ACAP2: variants seen among roughly 807,000 people sequenced by gnomAD.
ACAP2 encodes arf-GAP with coiled-coil, ANK repeat and PH domain-containing protein 2.
ACAP2 carries 39 observed loss-of-function variants against 115.8 expected under a neutral mutation model. That is an observed-to-expected ratio of 0.34 (90% confidence interval 0.26 to 0.44). The LOEUF (loss-of-function observed/expected upper bound fraction) is 0.44. Among genes scored for constraint, ACAP2 ranks in the 20% least tolerant of loss-of-function variants. ACAP2 has a pLI of 1.00. For synonymous variants in ACAP2, 289 were observed against 315.8 expected, an observed-to-expected ratio of 0.92 and a Z score of 0.90; for missense variants, 662 against 927.6, an observed-to-expected ratio of 0.71 and a Z score of 3.72.
rs536706653 is a variant in ACAP2, at chr3:195,318,881, G to A, written c.857+1820C>T. Among the ~76,000 whole-genome samples, 58 of 152,312 alleles carry A rather than the reference G, an allele frequency of 3.8e-4. No homozygotes were observed. The Middle Eastern group carries it at 0.017, about 45-fold the overall frequency. On this transcript the variant is annotated intron_variant, in intron 10 of 22. Transcript: ENST00000326793. Reference sequence around the variant, plus strand: ...CTGAATGTTTACATCCAAGACAATGGGAAAAATGTCTCCAGGGCATGTAAG... The same window carrying A: ...CTGAATGTTTACATCCAAGACAATGAGAAAAATGTCTCCAGGGCATGTAAG...
At chr3:195,370,063 G>C (rs1402025573) in intron 4 of ACAP2, among the ~76,000 whole-genome samples, 1 of 152,176 alleles carries the variant, frequency 6.6e-6, no homozygotes, top group African/African-American at 2.4e-5. Context: ...TTCTTTTGAA[G>C]TGTCTGTTCA....
chr3:195,346,015 G>A (rs1731166958), intron 4 of ACAP2, among the ~76,000 whole-genome samples: 1 of 152,030 alleles, frequency 6.6e-6, no homozygotes, highest in Non-Finnish European at 1.5e-5. Flanking sequence ...AGATGAACAG[G>A]CAGAAATATC....
At chr3:195,436,761 C>T (rs6800221) in intron 1 of ACAP2, among the ~76,000 whole-genome samples, 1 of 151,866 alleles carries the variant, frequency 6.6e-6, no homozygotes, top group East Asian at 1.9e-4. Flanking sequence ...TTTGTCCTCC[C>T]GCACATCACA....
chr3:195,368,465 T>C (rs1018488896), intron 4 of ACAP2, among the ~76,000 whole-genome samples: 2 of 152,192 alleles, frequency 1.3e-5, no homozygotes, highest in Non-Finnish European at 2.9e-5. Context: ...TTTCTGAATG[T>C]AGTAATTACT....
intron 1 of ACAP2, among the ~76,000 whole-genome samples, chr3:195,422,859 C>A (rs1714297598): frequency 6.6e-6 from 1 of 152,112 alleles, no homozygotes; most frequent in Non-Finnish European, 1.5e-5. Flanking sequence ...ACTGAGACTT[C>A]TCCTAGGCTC....
intron 1 of ACAP2, among the ~76,000 whole-genome samples, chr3:195,441,186 G>C (rs985632434): frequency 1.7e-4 from 26 of 151,224 alleles, no homozygotes; most frequent in African/African-American, 5.8e-4. Flanking sequence ...CATCTTCTAA[G>C]GGAAAAATGC....
intron 8 of ACAP2, among the ~76,000 whole-genome samples, chr3:195,330,187 G>A (rs995161850): frequency 6.6e-6 from 1 of 152,058 alleles, no homozygotes; most frequent in African/African-American, 2.4e-5. Flanking sequence ...GCATGAATTC[G>A]TCACGCCCTT....
At chr3:195,431,295 G>C (rs1021195788) in intron 1 of ACAP2, among the ~76,000 whole-genome samples, 1 of 152,068 alleles carries the variant, frequency 6.6e-6, no homozygotes, top group Non-Finnish European at 1.5e-5. Flanking sequence ...TACGGACACA[G>C]GTTGTTTCAC....
intron 1 of ACAP2, among the ~76,000 whole-genome samples, chr3:195,421,666 TGTGAGTG>T (rs1281098026): frequency 1.3e-5 from 2 of 152,218 alleles, no homozygotes; most frequent in Non-Finnish European, 2.9e-5. Context: ...GCTGTACAAT[TGTGAGTG>T]GTGGTTTGAA....
chr3:195,373,981 G>A lies in ACAP2; in HGVS notation c.285+7028C>T, dbSNP rs1577376102. ...AATGTGGAAACATGAGGCTGAAACT[G>A]AGTCACTAAGTGAGTCAGTGCTAAA... On this transcript the variant is annotated intron_variant, in intron 4 of 22. Coordinates refer to ENST00000326793, the MANE Select transcript of ACAP2 (RefSeq NM_012287.6). 1.3e-5 allele frequency among the ~76,000 whole-genome samples: 2 copies of A among 152,278 alleles called. 1 individual carries two copies. Among genetic ancestry groups the A allele is most frequent in the Admixed American group, 1.3e-4 (2 of 15,298 alleles).
chr3:195,378,083 G>A (rs75950026), intron 4 of ACAP2, among the ~76,000 whole-genome samples: 2,545 of 150,472 alleles, frequency 0.017, 77 homozygotes, highest in African/African-American at 0.057. Context: ...AGGAAGGGAG[G>A]AAGGGAGGAG....
chr3:195,343,528 C>T (rs992783236), intron 5 of ACAP2, among the ~76,000 whole-genome samples: 2 of 152,158 alleles, frequency 1.3e-5, no homozygotes, highest in Non-Finnish European at 2.9e-5. Context: ...TGGGCTCAAG[C>T]GATCCTCACA....
At chr3:195,378,503 AAAAC>A (rs1733722978) in intron 4 of ACAP2, among the ~76,000 whole-genome samples, 1 of 137,818 alleles carries the variant, frequency 7.3e-6, no homozygotes, top group Non-Finnish European at 1.6e-5. Context: ...AACAAAAAAC[AAAAC>A]AAACAAACAA....
At chr3:195,314,459 G>C (rs1422493374) in intron 10 of ACAP2, among the ~76,000 whole-genome samples, 1 of 152,002 alleles carries the variant, frequency 6.6e-6, no homozygotes, top group Non-Finnish European at 1.5e-5. Flanking sequence ...GTAGAGACAG[G>C]GTTCTCGCCA....
At chr3:195,358,685 G>T (rs912196724) in intron 4 of ACAP2, among the ~76,000 whole-genome samples, 2 of 151,728 alleles carry the variant, frequency 1.3e-5, no homozygotes, top group Non-Finnish European at 2.9e-5. Context: ...GAAGAAAAAA[G>T]AATAAAAAAG....
chr3:195,282,878 A>G (rs1395091091), intron 22 of ACAP2: 3 of 152,202 alleles, frequency 2.0e-5, no homozygotes, highest in Admixed American at 2.0e-4. Context: ...TGGTATTCAG[A>G]ATATCTACCA....
intron 1 of ACAP2, among the ~76,000 whole-genome samples, chr3:195,404,158 T>C (rs1429954803): frequency 2.0e-5 from 3 of 151,898 alleles, no homozygotes; most frequent in Non-Finnish European, 4.4e-5. Flanking sequence ...CTAGGCAACA[T>C]ACATACATAC....
At chr3:195,400,917 A>C (rs1712232078) in intron 1 of ACAP2, among the ~76,000 whole-genome samples, 1 of 152,210 alleles carries the variant, frequency 6.6e-6, no homozygotes, top group African/African-American at 2.4e-5. Context: ...ATCAGAGGCC[A>C]GGCGAGGTGG....
intron 21 of ACAP2, among the ~76,000 whole-genome samples, chr3:195,287,689 A>G (rs1726936127): frequency 6.6e-6 from 1 of 152,210 alleles, no homozygotes; most frequent in African/African-American, 2.4e-5. Flanking sequence ...ACAAATTACT[A>G]ATATCAATGC....
Sources: allele counts gnomAD v4.1 joint callset (sites outside exome capture counted in the v4.1 genomes callset), GRCh38; gene constraint gnomAD v4.1.1; transcripts MANE v1.5; gene names NCBI Gene and HGNC (gene_info 2026-07-23, HGNC 2026-07-21).